The following FGD4 variants were observed in gnomAD, a reference collection of about 807,000 sequenced individuals.
The protein encoded by FGD4 is FYVE, RhoGEF and PH domain-containing protein 4.
FGD4 carries 42 observed loss-of-function variants against 102.0 expected under a neutral mutation model. The ratio of observed to expected loss-of-function variants is 0.41; its 90% confidence interval spans 0.32 to 0.53. The LOEUF (loss-of-function observed/expected upper bound fraction) is 0.53, where lower values mean the gene tolerates loss of function less well. FGD4 is among the 20% of genes least tolerant of loss of function. The pLI is 0.21. For missense variants in FGD4, 902 were observed against 1,078.2 expected (o/e 0.84, Z 2.29); for synonymous variants, 380 against 375.7 (o/e 1.01, Z -0.13).
At chr12:32,550,670 C>CAAAAAAAAAAAAAAAAAAAAAAAA (rs71447606) in intron 1 of FGD4, among the ~76,000 whole-genome samples, 1 of 89,244 alleles carries the variant, frequency 1.1e-5, no homozygotes, top group African/African-American at 4.3e-5. Context: ...GACACTGTCT[C>CAAAAAAAAAAAAAAAAAAAAAAAA]AAAAAAAAAA....
intron 1 of FGD4, among the ~76,000 whole-genome samples, chr12:32,469,014 C>T (rs553832075): frequency 2.4e-4 from 37 of 151,842 alleles, no homozygotes; most frequent in African/African-American, 8.5e-4. Context: ...TTAGTAGAGA[C>T]GGGGTTTCAC....
intron 1 of FGD4, among the ~76,000 whole-genome samples, chr12:32,483,296 T>C (rs1251667855): frequency 6.6e-6 from 1 of 152,236 alleles, no homozygotes; most frequent in African/African-American, 2.4e-5. Flanking sequence ...GCAGAGAATC[T>C]GTGCAGAGAA....
In FGD4 at chr12:32,638,854, T is replaced by C. The variant is rs1366076580; in HGVS notation, c.2454+59T>C. The C allele has an allele frequency of 2.5e-6, 4 of 1,611,058 alleles. No homozygotes were observed. In the South Asian group the frequency reaches 3.3e-5, roughly 13 times the overall value. The stretch of plus-strand genomic sequence containing the variant: ...GCCCTTGGGGGCAAGGGGAAGCGAG[T>C]GGACAGCGGACTCAAAATCTGTAGA... On this transcript the variant is annotated intron_variant, in intron 16 of 16. Coordinates refer to ENST00000534526, the MANE Select transcript of FGD4 (RefSeq NM_001370298.3).
chr12:32,557,623 C>T (rs1186929251), intron 1 of FGD4, among the ~76,000 whole-genome samples: 1 of 152,082 alleles, frequency 6.6e-6, no homozygotes, highest in Admixed American at 6.5e-5. Context: ...ATCAGATTTT[C>T]TTTTTGAAGA....
intron 4 of FGD4, among the ~76,000 whole-genome samples, chr12:32,593,636 G>C (rs1285632493): frequency 6.6e-6 from 1 of 152,202 alleles, no homozygotes; most frequent in East Asian, 1.9e-4. Flanking sequence ...GATCCTGTAG[G>C]ATTGTGGAGG....
chr12:32,572,449 T>C (rs541153613), intron 2 of FGD4, among the ~76,000 whole-genome samples: 1 of 152,328 alleles, frequency 6.6e-6, no homozygotes, highest in East Asian at 1.9e-4. Context: ...AATGTCACAC[T>C]ATTGATCTCT....
At chr12:32,552,465 A>G (rs1943756566) in intron 1 of FGD4, among the ~76,000 whole-genome samples, 1 of 119,804 alleles carries the variant, frequency 8.3e-6, no homozygotes, top group East Asian at 2.7e-4. Context: ...TTTTTGTAGT[A>G]GAGACAATGT....
intron 1 of FGD4, among the ~76,000 whole-genome samples, chr12:32,433,087 C>T (rs1942110013): frequency 6.6e-6 from 1 of 152,006 alleles, no homozygotes; most frequent in Admixed American, 6.6e-5. Context: ...ACCTCCACCT[C>T]CCTGGTTCAA....
At chr12:32,469,203 A>G (rs10771952) in intron 1 of FGD4, among the ~76,000 whole-genome samples, 56,545 of 152,072 alleles carry the variant, frequency 0.37, 11,464 homozygotes, top group South Asian at 0.51. Context: ...GAATTATACT[A>G]TTTATTCAAC....
intron 11 of FGD4, among the ~76,000 whole-genome samples, chr12:32,620,910 G>A (rs1028365639): frequency 2.4e-4 from 37 of 151,478 alleles, no homozygotes; most frequent in East Asian, 2.0e-4. Context: ...TGATCTGCCC[G>A]CCTCAGCCTC....
intron 1 of FGD4, among the ~76,000 whole-genome samples, chr12:32,528,782 TTTG>T (rs1011777551): frequency 5.9e-5 from 9 of 152,324 alleles, no homozygotes; most frequent in South Asian, 2.1e-4. Context: ...ATTTATATTT[TTTG>T]TTGTTGTCTT....
intron 1 of FGD4, among the ~76,000 whole-genome samples, chr12:32,512,188 T>A (rs1347022108): frequency 6.6e-6 from 1 of 152,078 alleles, no homozygotes; most frequent in Non-Finnish European, 1.5e-5. Flanking sequence ...GGCTCTCACC[T>A]GTAATCCCAG....
chr12:32,604,798 A>G (rs1258890654), intron 7 of FGD4, among the ~76,000 whole-genome samples: 2 of 152,232 alleles, frequency 1.3e-5, no homozygotes, highest in East Asian at 3.8e-4. Flanking sequence ...ACAGGCTAGA[A>G]TGCCACAGAT....
At chr12:32,525,564 CT>C (rs1941056683) in intron 1 of FGD4, among the ~76,000 whole-genome samples, 1 of 152,254 alleles carries the variant, frequency 6.6e-6, no homozygotes, top group Admixed American at 6.5e-5. Context: ...TGGGCTCCCA[CT>C]TTGGTGGCAT....
At chr12:32,619,077 T>C (rs1205934110) in intron 10 of FGD4, among the ~76,000 whole-genome samples, 1 of 152,232 alleles carries the variant, frequency 6.6e-6, no homozygotes, top group Non-Finnish European at 1.5e-5. Flanking sequence ...GCTCCTGGTA[T>C]ATCAAAGGTC....
rs1386898546 is a variant in FGD4, at chr12:32,402,553, A to C, written c.166+2594A>C. 2.6e-5 allele frequency among the ~76,000 whole-genome samples: 4 copies of C among 151,600 alleles called. 1 individual carries two copies. The highest frequency in any genetic ancestry group is 1.3e-4 in the Admixed American group (2 of 15,216). ...GCTTCGAACTCATGGGCTCAAAGCT[A>C]TCCTTCTGCCTCAGTCTCTTAAGTA... On this transcript the variant is annotated intron_variant, in intron 1 of 16. Transcript: ENST00000534526.
chr12:32,627,759 GA>G lies in FGD4; in HGVS notation c.2172+1985del, dbSNP rs1227441482. Among the ~76,000 whole-genome samples, 5 of 152,256 alleles carry G rather than the reference GA, an allele frequency of 3.3e-5. No homozygotes were observed. The East Asian group carries it at 9.7e-4, about 29-fold the overall frequency. ...CGGTTTATCCAGAGTAGTATAATGA[GA>G]AAAACACTGGAAGAGAAGGGAAGTA... On this transcript the variant is annotated intron_variant, in intron 14 of 16. Coordinates refer to ENST00000534526, the MANE Select transcript of FGD4 (RefSeq NM_001370298.3).
At chr12:32,437,645 A>G (rs1942279688) in intron 1 of FGD4, among the ~76,000 whole-genome samples, 1 of 152,244 alleles carries the variant, frequency 6.6e-6, no homozygotes, top group African/African-American at 2.4e-5. Flanking sequence ...TTATATTAAC[A>G]TGTAATATGA....
chr12:32,464,526 C>G (rs1331425955), intron 1 of FGD4, among the ~76,000 whole-genome samples: 3 of 152,178 alleles, frequency 2.0e-5, no homozygotes, highest in Admixed American at 6.5e-5. Flanking sequence ...AGAAAAAGGA[C>G]AAATGCACAT....
Sources: allele counts gnomAD v4.1 joint callset (sites outside exome capture counted in the v4.1 genomes callset), GRCh38; gene constraint gnomAD v4.1.1; transcripts MANE v1.5; gene names NCBI Gene and HGNC (gene_info 2026-07-23, HGNC 2026-07-21).